Variants in CCDC197 observed in about 807,000 individuals in gnomAD.
CCDC197 encodes the protein coiled-coil domain containing 197, also known as uncharacterized protein CCDC197.
Under a neutral mutation model 13.4 loss-of-function variants are expected in CCDC197, and 24 were observed. The observed-to-expected ratio is 1.80, with a 90% CI of 1.30 to 2.53. CCDC197 has a LOEUF of 2.53. Ranked by LOEUF, CCDC197 falls within the 30% of genes most tolerant of loss-of-function variation. The probability of loss-of-function intolerance (pLI) is 0.00; values close to 1 mark genes in which losing one functional copy is unlikely to be tolerated. For missense variants in CCDC197, 255 were observed against 148.8 expected, an observed-to-expected ratio of 1.71 and a Z score of -3.71; for synonymous variants, 99 against 55.5, an observed-to-expected ratio of 1.78 and a Z score of -3.48.
intron 1 of CCDC197, among the ~76,000 whole-genome samples, chr14:93,991,506 C>T (rs764557005): frequency 6.6e-6 from 1 of 152,168 alleles, no homozygotes; most frequent in Non-Finnish European, 1.5e-5. Context: ...CGTGCATCTC[C>T]GAAGCTCTGT....
chr14:94,000,935 A>G (rs1890475826), intron 3 of CCDC197: 1 of 381,920 alleles, frequency 2.6e-6, no homozygotes, highest in Non-Finnish European at 4.3e-6. Context: ...TCCAAGGTTG[A>G]GGATTCCCTT....
At position 94,008,845 on chromosome 14, in the gene CCDC197, C is replaced by A. The variant is rs950767403; in HGVS notation, c.*33C>A. ...GCGCCTTGCAGGCCCCATGGCATCA[C>A]GACCTCTCCTTACCTGCCTGCCTCC... On this transcript the variant is annotated 3_prime_UTR_variant, in exon 7 of 7. Transcript: ENST00000636493. The A allele has an allele frequency of 7.3e-6, 5 of 682,960 alleles. No individual in the cohort carries two copies. Among genetic ancestry groups the A allele is most frequent in the African/African-American group, 1.8e-5 (1 of 56,866 alleles). The allele number at this position is 682,960 out of a possible 1,614,324, so 42.3% of individuals were successfully genotyped here. A position where few individuals can be genotyped will look rare whatever the true frequency, so the allele number is the denominator to read the frequency against.
intron 6 of CCDC197, among the ~76,000 whole-genome samples, chr14:94,008,000 T>C (rs889924257): frequency 6.6e-6 from 1 of 152,220 alleles, no homozygotes; most frequent in African/African-American, 2.4e-5. Flanking sequence ...CCTAGTTATA[T>C]ACAACTTGGA....
downstream of CCDC197, among the ~76,000 whole-genome samples, chr14:94,011,424 C>T (rs577383198): frequency 6.6e-6 from 1 of 152,382 alleles, no homozygotes; most frequent in African/African-American, 2.4e-5. Flanking sequence ...TTGCAGCCAG[C>T]ATCTGGGTAC....
At chr14:93,989,247 C>T (rs557288037) in intron 1 of CCDC197, among the ~76,000 whole-genome samples, 123 of 152,266 alleles carry the variant, frequency 8.1e-4, no homozygotes, top group Non-Finnish European at 1.4e-3. Context: ...ATCCCTTTAA[C>T]GCTGTCCCAG....
At chr14:93,988,366 T>G (rs1595345836) in intron 1 of CCDC197, among the ~76,000 whole-genome samples, 3 of 48,582 alleles carry the variant, frequency 6.2e-5, no homozygotes, top group East Asian at 5.6e-4. Flanking sequence ...GAGGAGGGCA[T>G]GGGAGAGAGG....
downstream of CCDC197, among the ~76,000 whole-genome samples, chr14:94,011,162 C>T (rs1327013938): frequency 6.6e-6 from 1 of 152,188 alleles, no homozygotes; most frequent in African/African-American, 2.4e-5. Flanking sequence ...CCGGGCATTC[C>T]AGGAGGGCTG....
At chr14:93,993,094 C>T (rs1462432718), upstream of CCDC197, among the ~76,000 whole-genome samples, 1 of 152,208 alleles carries the variant, frequency 6.6e-6, no homozygotes, top group Non-Finnish European at 1.5e-5. Flanking sequence ...CCAGAGCCAC[C>T]TTTGCCAGCC....
rs1162963476 is a variant in CCDC197, at chr14:94,001,143, A to G, written c.188-2A>G. 2 of 776,520 alleles carry G rather than the reference A, an allele frequency of 2.6e-6. No homozygotes were observed. Among genetic ancestry groups the G allele is most frequent in the Admixed American group, 3.4e-5 (2 of 58,382 alleles). The allele number at this position is 776,520 out of a possible 1,614,324, so 48.1% of individuals were successfully genotyped here. A position where few individuals can be genotyped will look rare whatever the true frequency, so the allele number is the denominator to read the frequency against. On this transcript the variant is annotated splice_acceptor_variant, in intron 3 of 6. Coordinates refer to ENST00000636493, the MANE Select transcript of CCDC197 (RefSeq NM_001351596.2). LOFTEE classifies it high-confidence loss of function. ...CATCCCGCCATGGCGCTGTCTCCGT[A>G]GGCTGCACGGGATGGGAGGAGCCGG...
At chr14:93,995,407 G>T (rs1265960982), upstream of CCDC197, among the ~76,000 whole-genome samples, 2 of 152,288 alleles carry the variant, frequency 1.3e-5, no homozygotes, top group South Asian at 2.1e-4. Context: ...CCTACAGAAT[G>T]GTACCCTGGA....
chr14:93,993,330 G>C (rs1328611295), upstream of CCDC197, among the ~76,000 whole-genome samples: 1 of 152,224 alleles, frequency 6.6e-6, no homozygotes, highest in Non-Finnish European at 1.5e-5. Context: ...CTGCCCCTAA[G>C]ACATAAAATG....
intron 1 of CCDC197, among the ~76,000 whole-genome samples, chr14:93,990,706 C>G (rs973208205): frequency 6.6e-6 from 1 of 152,152 alleles, no homozygotes; most frequent in Non-Finnish European, 1.5e-5. Context: ...CAGAATTGGC[C>G]CTTTCTCCAG....
upstream of CCDC197, among the ~76,000 whole-genome samples, chr14:93,995,542 G>A (rs1022748789): frequency 2.6e-5 from 4 of 152,238 alleles, no homozygotes; most frequent in South Asian, 2.1e-4. Flanking sequence ...TGGGAACAGC[G>A]CCAGGGTTTG....
At chr14:93,990,158 G>C (rs1426500146) in intron 1 of CCDC197, among the ~76,000 whole-genome samples, 3 of 152,160 alleles carry the variant, frequency 2.0e-5, no homozygotes, top group Non-Finnish European at 4.4e-5. Context: ...AAGGTCAATT[G>C]ATTGGTAAAC....
At chr14:93,999,152 G>A (rs969373916) in intron 2 of CCDC197, among the ~76,000 whole-genome samples, 2 of 152,196 alleles carry the variant, frequency 1.3e-5, no homozygotes, top group Non-Finnish European at 2.9e-5. Flanking sequence ...GCATGACCCT[G>A]GCCAGCAGCT....
Position 94,001,216 on chromosome 14 carries a change from A to G in CCDC197, c.259A>G (p.Thr87Ala). The change falls in exon 4 of 7, where the codon ACA (threonine) becomes GCA (alanine). Residue 87 changes from threonine to alanine, a missense_variant. By Grantham distance (58) the Thr-to-Ala change is moderately conservative. Coordinates refer to ENST00000636493, the MANE Select transcript of CCDC197 (RefSeq NM_001351596.2). ...GGTGAAGCACTACGGGAAGCTCTTC[A>G]CAGCCAGCCAGGACACGCAGAAGCG... ...ATVKHYGKLF[T>A]ASQDTQKRLE... The G allele has an allele frequency of 1.3e-6, 1 of 780,936 alleles. No individual in the cohort carries two copies. 48.4% of individuals were successfully genotyped at this position (780,936 alleles called of 1,614,324 possible). A position where few individuals can be genotyped will look rare whatever the true frequency, so the allele number is the denominator to read the frequency against.
At chr14:93,996,908 C>G (rs1026998042), upstream of CCDC197, among the ~76,000 whole-genome samples, 3 of 152,196 alleles carry the variant, frequency 2.0e-5, no homozygotes, top group African/African-American at 7.2e-5. Context: ...ACCCCCTGCA[C>G]GGAACCAGGC....
At chr14:93,993,089 G>A (rs527789257), upstream of CCDC197, among the ~76,000 whole-genome samples, 209 of 152,300 alleles carry the variant, frequency 1.4e-3, 1 homozygote, top group Non-Finnish European at 2.5e-3. Flanking sequence ...TCCCACCAGA[G>A]CCACCTTTGC....
At position 94,003,292 on chromosome 14, in the gene CCDC197, A is replaced by C; in HGVS notation, c.436A>C (p.Lys146Gln). 1.3e-6 allele frequency: 1 copy of C among 780,920 alleles called. No individual in the cohort carries two copies. Among genetic ancestry groups the C allele is most frequent in the Non-Finnish European group, 2.4e-6 (1 of 418,078 alleles). 48.4% of individuals were successfully genotyped at this position (780,920 alleles called of 1,614,324 possible). ...YRKQEQWWQL[K>Q]HSITYQKDID... is the part of the protein sequence containing the mutation. ...CAAGCAGGAGCAGTGGTGGCAGCTGAAGCACAGCATCACTTACCAGAAGGA... is the reference window on the plus strand; with the variant it reads ...CAAGCAGGAGCAGTGGTGGCAGCTGCAGCACAGCATCACTTACCAGAAGGA... The change falls in exon 5 of 7, where the codon AAG (lysine) becomes CAG (glutamine). Residue 146 changes from lysine to glutamine, a missense_variant. Transcript: ENST00000636493. This position sits in a 1 kb window ranked among gnomAD's most constrained non-coding sequence, Gnocchi z 5.0.
Sources: gnomAD v4.1 joint callset for allele counts (sites outside exome capture counted in the v4.1 genomes callset) on GRCh38, gnomAD v4.1.1 for gene constraint, Gnocchi (gnomAD v3.1) non-coding constraint, MANE v1.5 for transcripts, NCBI Gene and HGNC (gene_info 2026-07-23, HGNC 2026-07-21) for gene names.